The following PPP4R3A variants were observed in gnomAD, a reference collection of about 807,000 sequenced individuals.
PPP4R3A encodes serine/threonine-protein phosphatase 4 regulatory subunit 3A.
In PPP4R3A, 15 loss-of-function variants were observed where a neutral mutation model predicts 91.7. That is an observed-to-expected ratio of 0.16 (90% CI 0.11 to 0.25). The LOEUF is 0.25. Among genes scored for constraint, PPP4R3A ranks in the 10% least tolerant of loss-of-function variants. The probability of loss-of-function intolerance (pLI) is 1.00; values close to 1 mark genes in which losing one functional copy is unlikely to be tolerated. For synonymous variants in PPP4R3A, 377 were observed against 348.7 expected (o/e 1.08, Z -0.91); for missense variants, 623 against 998.4 (o/e 0.62, Z 5.07).
chr14:91,496,439 T>C (rs960248778), intron 1 of PPP4R3A, among the ~76,000 whole-genome samples: 1 of 152,192 alleles, frequency 6.6e-6, no homozygotes, highest in East Asian at 1.9e-4. Flanking sequence ...AGTGCAGTGG[T>C]ATGACATTGT....
At chr14:91,491,413 AATT>A (rs1207174753) in intron 1 of PPP4R3A, among the ~76,000 whole-genome samples, 1 of 151,048 alleles carries the variant, frequency 6.6e-6, no homozygotes, top group Non-Finnish European at 1.5e-5. Flanking sequence ...GTTACAGAAA[AATT>A]ATTATTATTG....
chr14:91,490,889 AAAT>A (rs1213648796), intron 1 of PPP4R3A, 87 bp from the exon 2 acceptor site: 2 of 646,864 alleles, frequency 3.1e-6, no homozygotes, highest in Non-Finnish European at 4.6e-6. Flanking sequence ...TCCTTAAAAA[AAAT>A]AATAATAATT....
At chr14:91,503,184 T>C (rs1013661051) in intron 1 of PPP4R3A, among the ~76,000 whole-genome samples, 1 of 152,178 alleles carries the variant, frequency 6.6e-6, no homozygotes, top group African/African-American at 2.4e-5. Flanking sequence ...GACAGGGTCT[T>C]GCTATGTTGC....
At chr14:91,507,372 A>G (rs1269882487) in intron 1 of PPP4R3A, among the ~76,000 whole-genome samples, 2 of 64,534 alleles carry the variant, frequency 3.1e-5, no homozygotes, top group African/African-American at 1.4e-4. Flanking sequence ...ATATACTATA[A>G]TTATATATAC....
chr14:91,473,417 C>T (rs1449070366), intron 7 of PPP4R3A, 47 bp from the exon 8 acceptor site: 28 of 1,565,702 alleles, frequency 1.8e-5, no homozygotes, highest in East Asian at 2.2e-5. Context: ...TATGAGAGAA[C>T]GGAAAAAGCA....
intron 10 of PPP4R3A, 116 bp downstream of exon 10, chr14:91,470,721 A>C (rs1471784157): frequency 6.1e-6 from 7 of 1,148,878 alleles, no homozygotes; most frequent in Non-Finnish European, 8.7e-6. Context: ...TGGCAGAGCT[A>C]GTATTACGAC....
intron 1 of PPP4R3A, among the ~76,000 whole-genome samples, chr14:91,506,484 T>C (rs1891302114): frequency 6.6e-6 from 1 of 152,200 alleles, no homozygotes; most frequent in Admixed American, 6.5e-5. Flanking sequence ...TGACAAGAAA[T>C]GTTAATCATC....
chr14:91,466,951 A>ACACACACACACAC (rs1332509479), intron 10 of PPP4R3A, among the ~76,000 whole-genome samples: 1 of 151,812 alleles, frequency 6.6e-6, no homozygotes, highest in Admixed American at 6.6e-5. Flanking sequence ...ACACACACAC[A>ACACACACACACAC]CACACACACA....
At chr14:91,504,180 A>T (rs10150113) in intron 1 of PPP4R3A, among the ~76,000 whole-genome samples, 56,318 of 120,648 alleles carry the variant, frequency 0.47, 10,849 homozygotes, top group East Asian at 0.56. Flanking sequence ...GAAAAAAAAA[A>T]TTTTTTTTTA....
intron 1 of PPP4R3A, among the ~76,000 whole-genome samples, chr14:91,508,782 T>C (rs1049242670): frequency 1.3e-5 from 2 of 152,222 alleles, no homozygotes; most frequent in African/African-American, 4.8e-5. Flanking sequence ...ATCTGCCAAC[T>C]TCTCTGCACC....
chr14:91,480,456 A>T (rs1465212170), intron 4 of PPP4R3A, among the ~76,000 whole-genome samples: 1 of 152,220 alleles, frequency 6.6e-6, no homozygotes, highest in East Asian at 1.9e-4. Flanking sequence ...TGGTAGGGAT[A>T]CATGCAGTTA....
intron 2 of PPP4R3A, among the ~76,000 whole-genome samples, chr14:91,487,341 A>G (rs1045662381): frequency 6.6e-6 from 1 of 152,102 alleles, no homozygotes; most frequent in African/African-American, 2.4e-5. Context: ...CATTTCAAAA[A>G]AGGATCCTCT....
intron 1 of PPP4R3A, among the ~76,000 whole-genome samples, chr14:91,499,301 C>CA (rs895281270): frequency 1.3e-5 from 2 of 150,986 alleles, no homozygotes; most frequent in African/African-American, 2.4e-5. Flanking sequence ...GAAAACAAAA[C>CA]AAAAAAAAGT....
chr14:91,483,057 G>T (rs1328001828), intron 3 of PPP4R3A, among the ~76,000 whole-genome samples: 1 of 152,102 alleles, frequency 6.6e-6, no homozygotes, highest in African/African-American at 2.4e-5. Context: ...TTATGCCACT[G>T]GAGGGGCTCT....
In PPP4R3A at chr14:91,462,234, C is replaced by T. The variant is rs370036690; in HGVS notation, c.1979G>A (p.Arg660His). 32 of 1,584,200 alleles carry T rather than the reference C, an allele frequency of 2.0e-5. No individual in the cohort carries two copies. The highest frequency in any genetic ancestry group is 2.3e-5 in the Non-Finnish European group (27 of 1,169,506). ...RQDNPKLDSM[R>H]SILRNHRYRR... ...ATATCTGTGATTCCTCAAAATGGAA[C>T]GCATACTATGAGTAGGGAAGAAAGA... The change falls in exon 13 of 15, where the codon CGT (arginine) becomes CAT (histidine). Residue 660 changes from arginine (R) to histidine (H), a missense_variant. Transcript: ENST00000554943.
intron 1 of PPP4R3A, among the ~76,000 whole-genome samples, chr14:91,496,411 T>G (rs1003553637): frequency 6.6e-5 from 10 of 152,160 alleles, no homozygotes; most frequent in Admixed American, 6.5e-4. Flanking sequence ...TTACAGTCAC[T>G]AAAACAAAAA....
chr14:91,484,058 C>T (rs771717413), intron 3 of PPP4R3A, among the ~76,000 whole-genome samples: 10 of 152,160 alleles, frequency 6.6e-5, no homozygotes, highest in Non-Finnish European at 1.3e-4. Flanking sequence ...TCATTAATGT[C>T]ACCTCTCTCT....
chr14:91,505,503 A>G (rs527352639), intron 1 of PPP4R3A, among the ~76,000 whole-genome samples: 3 of 152,126 alleles, frequency 2.0e-5, no homozygotes, highest in South Asian at 4.2e-4. Context: ...CCCCTATCAC[A>G]CTATCTCTAG....
chr14:91,507,926 A>T (rs1403383411), intron 1 of PPP4R3A, among the ~76,000 whole-genome samples: 1 of 152,130 alleles, frequency 6.6e-6, no homozygotes. Context: ...GTTTGAGACC[A>T]GCCTTGGCAA....
Sources: allele counts gnomAD v4.1 joint callset (sites outside exome capture counted in the v4.1 genomes callset), GRCh38; gene constraint gnomAD v4.1.1; transcripts MANE v1.5; gene names NCBI Gene and HGNC (gene_info 2026-07-23, HGNC 2026-07-21).